EXOC4: variants seen among roughly 807,000 people sequenced by gnomAD.
The protein encoded by EXOC4 is SEC8-like 1.
A neutral mutation model predicts 107.2 loss-of-function variants in EXOC4; 71 were observed. The observed-to-expected ratio is 0.66, with a 90% confidence interval of 0.55 to 0.81. The LOEUF is 0.81. EXOC4 is among the 30% of genes least tolerant of loss of function. The pLI is 0.00. For synonymous variants in EXOC4, 456 were observed against 441.2 expected, an observed-to-expected ratio of 1.03 and a Z score of -0.42; for missense variants, 1,108 against 1,189.6, an observed-to-expected ratio of 0.93 and a Z score of 1.01.
At chr7:133,566,591 A>G (rs1800910647) in intron 9 of EXOC4, among the ~76,000 whole-genome samples, 1 of 152,214 alleles carries the variant, frequency 6.6e-6, no homozygotes, top group Non-Finnish European at 1.5e-5. Flanking sequence ...ACTAAGAAAC[A>G]TCACTGATTC....
At chr7:133,586,346 T>C (rs1284577316) in intron 9 of EXOC4, among the ~76,000 whole-genome samples, 1 of 152,204 alleles carries the variant, frequency 6.6e-6, no homozygotes, top group East Asian at 1.9e-4. Flanking sequence ...TATTCGGTTT[T>C]CTGTTCCTGT....
chr7:133,783,372 A>G (rs556103613), intron 10 of EXOC4, among the ~76,000 whole-genome samples: 36 of 152,314 alleles, frequency 2.4e-4, no homozygotes, highest in African/African-American at 8.2e-4. Flanking sequence ...CTCATAACCC[A>G]TATGGACTTT....
chr7:133,658,341 C>A (rs552549232), intron 10 of EXOC4, among the ~76,000 whole-genome samples: 3 of 152,226 alleles, frequency 2.0e-5, no homozygotes, highest in African/African-American at 7.2e-5. Context: ...GACCCTTCTG[C>A]CAGTATGTTT....
chr7:133,802,834 G>A (rs975702889), intron 10 of EXOC4, among the ~76,000 whole-genome samples: 7 of 112,138 alleles, frequency 6.2e-5, no homozygotes, highest in African/African-American at 2.2e-4. Flanking sequence ...GGCGACGAGC[G>A]AAACTCTGTC....
In EXOC4 at chr7:133,997,539, G is replaced by T; in HGVS notation, c.2254G>T (p.Val752Leu). The T allele has an allele frequency of 6.2e-7, 1 of 1,613,758 alleles. No individual in the cohort carries two copies. ...DSHTNTDLPP[V>L]SEQIMQTLSE... ...CCACACGAACACGGATCTCCCCCCA[G>T]TGTCAGAGCAGATCATGCAGACTCT... The change falls in exon 15 of 18, where the codon GTG (valine) becomes TTG (leucine). Residue 752 changes from valine (V) to leucine (L), a missense_variant. By Grantham distance (32) the Val-to-Leu change is conservative. Transcript: ENST00000253861.
chr7:133,697,976 A>T (rs1585086340), intron 10 of EXOC4, among the ~76,000 whole-genome samples: 1 of 152,240 alleles, frequency 6.6e-6, no homozygotes, highest in Non-Finnish European at 1.5e-5. Context: ...GTTTAGGTCA[A>T]TGAAGAGAGT....
intron 10 of EXOC4, among the ~76,000 whole-genome samples, chr7:133,697,305 G>A (rs1794557428): frequency 6.6e-6 from 1 of 152,026 alleles, no homozygotes; most frequent in African/African-American, 2.4e-5. Flanking sequence ...GAAATTGGGA[G>A]ACTTGAGTAG....
intron 14 of EXOC4, among the ~76,000 whole-genome samples, chr7:133,939,433 A>C (rs556887761): frequency 6.6e-6 from 1 of 152,338 alleles, no homozygotes; most frequent in South Asian, 2.1e-4. Context: ...GAAGGGACTG[A>C]AGCAGTGGGC....
At chr7:133,475,932 A>ACC (rs1282130625) in intron 8 of EXOC4, among the ~76,000 whole-genome samples, 1 of 152,084 alleles carries the variant, frequency 6.6e-6, no homozygotes. Context: ...TTTTTATCTA[A>ACC]TTATAACCTT....
At chr7:133,916,476 C>T (rs770990233) in intron 12 of EXOC4, among the ~76,000 whole-genome samples, 8 of 146,538 alleles carry the variant, frequency 5.5e-5, no homozygotes, top group Admixed American at 1.3e-4. Context: ...TCTGTGTTGC[C>T]GAGGCCAGTC....
At chr7:133,439,949 C>T (rs973240344) in intron 7 of EXOC4, among the ~76,000 whole-genome samples, 2 of 152,160 alleles carry the variant, frequency 1.3e-5, no homozygotes, top group Non-Finnish European at 2.9e-5. Context: ...AGAAACCAAA[C>T]TCAGATGAGC....
intron 10 of EXOC4, among the ~76,000 whole-genome samples, chr7:133,800,888 C>A (rs1342815130): frequency 2.0e-5 from 3 of 152,288 alleles, no homozygotes; most frequent in Non-Finnish European, 4.4e-5. Flanking sequence ...GCTTTTGTTC[C>A]ATTCCAATGT....
intron 17 of EXOC4, among the ~76,000 whole-genome samples, chr7:134,056,405 A>G (rs750285463): frequency 5.9e-5 from 9 of 152,220 alleles, no homozygotes; most frequent in African/African-American, 1.4e-4. Context: ...GGGTAATTCT[A>G]TTCACTCTTT....
chr7:133,657,066 A>G (rs551796978), intron 10 of EXOC4, among the ~76,000 whole-genome samples: 1 of 152,260 alleles, frequency 6.6e-6, no homozygotes, highest in South Asian at 2.1e-4. Flanking sequence ...GTAAAATGGC[A>G]TTTCCTCTAG....
chr7:133,749,975 T>G (rs937045243), intron 10 of EXOC4, among the ~76,000 whole-genome samples: 24 of 147,512 alleles, frequency 1.6e-4, no homozygotes, highest in Non-Finnish European at 3.3e-4. Flanking sequence ...TTTTTTTTTT[T>G]TTTTTTTTTT....
chr7:133,624,291 A>T (rs543747168), intron 9 of EXOC4, among the ~76,000 whole-genome samples: 1 of 152,140 alleles, frequency 6.6e-6, no homozygotes, highest in East Asian at 1.9e-4. Context: ...TTTAATATTG[A>T]TTATTTTTAA....
intron 6 of EXOC4, among the ~76,000 whole-genome samples, chr7:133,363,846 G>A (rs891384725): frequency 3.3e-5 from 5 of 152,086 alleles, no homozygotes; most frequent in Non-Finnish European, 7.4e-5. Context: ...AATAGGAAAG[G>A]CACTCCAAGT....
At chr7:133,327,581 A>G (rs1045207191) in intron 5 of EXOC4, among the ~76,000 whole-genome samples, 34 of 152,178 alleles carry the variant, frequency 2.2e-4, no homozygotes, top group African/African-American at 7.7e-4. Flanking sequence ...ATTTAGTGCT[A>G]TAAATTTCCC....
At chr7:133,956,816 AAAAGCTGC>A (rs1800829904) in intron 14 of EXOC4, among the ~76,000 whole-genome samples, 1 of 152,268 alleles carries the variant, frequency 6.6e-6, no homozygotes, top group African/African-American at 2.4e-5. Context: ...CTTAATGGGG[AAAAGCTGC>A]AAAGAATTGT....
Sources: gnomAD v4.1 joint callset for allele counts (sites outside exome capture counted in the v4.1 genomes callset) on GRCh38, gnomAD v4.1.1 for gene constraint, MANE v1.5 for transcripts, NCBI Gene and HGNC (gene_info 2026-07-23, HGNC 2026-07-21) for gene names.